Variants in TBCD observed in about 807,000 individuals in gnomAD.
TBCD encodes tubulin folding cofactor D, also known as tubulin-specific chaperone D.
In TBCD, 105 loss-of-function variants were observed where a neutral mutation model predicts 169.3. That is an observed-to-expected ratio of 0.62 (90% confidence interval 0.53 to 0.73). The LOEUF is 0.73. Ranked by LOEUF, TBCD falls within the 30% of genes least tolerant of loss-of-function variation. The probability of loss-of-function intolerance (pLI) is 0.00; values close to 1 mark genes in which losing one functional copy is unlikely to be tolerated. For synonymous variants in TBCD, 700 were observed against 643.9 expected, an observed-to-expected ratio of 1.09 and a Z score of -1.32; for missense variants, 1,444 against 1,600.1, an observed-to-expected ratio of 0.90 and a Z score of 1.66.
chr17:82,925,519 C>T (rs774811426), intron 27 of TBCD, among the ~76,000 whole-genome samples: 49 of 152,076 alleles, frequency 3.2e-4, no homozygotes, highest in Non-Finnish European at 6.9e-4. Flanking sequence ...GTCCCACTGA[C>T]CAACCTGCCG....
intron 2 of TBCD, among the ~76,000 whole-genome samples, chr17:82,757,146 C>T (rs2047443714): frequency 6.6e-6 from 1 of 152,178 alleles, no homozygotes; most frequent in Non-Finnish European, 1.5e-5. Context: ...GTGGGGGCAC[C>T]CTGGCTTCAT....
intron 28 of TBCD, chr17:82,926,971 A>C: frequency 1.5e-6 from 1 of 649,792 alleles, no homozygotes; most frequent in Non-Finnish European, 2.6e-6. Flanking sequence ...GTCCCCATCC[A>C]CCTTTCAACC....
chr17:82,844,188 G>C (rs997659113), intron 13 of TBCD, among the ~76,000 whole-genome samples: 1 of 60,606 alleles, frequency 1.7e-5, no homozygotes, highest in African/African-American at 7.1e-5. Context: ...GAGTGGAGGA[G>C]TGGGGGTGGA....
rs1312371239 is a variant in TBCD at position 82,938,030 on chromosome 17, C to A, written c.3282-19C>A. 5 of 1,612,490 alleles carry A rather than the reference C, an allele frequency of 3.1e-6. No homozygotes were observed. Among genetic ancestry groups the A allele is most frequent in the Middle Eastern group, 3.3e-4 (2 of 6,080 alleles). On this transcript the variant is annotated intron_variant, in intron 35 of 38. Transcript: ENST00000355528. ...GCGCGGGGTGGGGCTCACCTGGAGC[C>A]ATGTGCTGCTCCCGGCAGGTTCTGC...
chr17:82,839,666 T>C (rs1473346494), intron 13 of TBCD, among the ~76,000 whole-genome samples: 1 of 152,208 alleles, frequency 6.6e-6, no homozygotes, highest in East Asian at 1.9e-4. Flanking sequence ...TTAACTTTTA[T>C]GAATTTTAGG....
At chr17:82,817,724 G>A (rs561186738) in intron 13 of TBCD, among the ~76,000 whole-genome samples, 1 of 152,312 alleles carries the variant, frequency 6.6e-6, no homozygotes, top group African/African-American at 2.4e-5. Flanking sequence ...TGGGATTGTA[G>A]GCTGTACCTG....
In TBCD at chr17:82,944,923, TATCTCA is replaced by T. The variant is rs1368609728; in HGVS notation, c.*2465_*2470del. ...TTCAAAGGAACAGCAGCAAGACTCT[TATCTCA>T]ATCTATCTCCCCTGAAGTGGCCTGA... On this transcript the variant is annotated 3_prime_UTR_variant, in exon 39 of 39. Coordinates refer to ENST00000355528, the MANE Select transcript of TBCD (RefSeq NM_005993.5). The T allele has an allele frequency of 6.6e-6, 1 of 152,204 alleles. No homozygotes were observed. Among genetic ancestry groups the T allele is most frequent in the Non-Finnish European group, 1.5e-5 (1 of 68,036 alleles). 9.4% of individuals were successfully genotyped at this position (152,204 alleles called of 1,614,324 possible). A position where few individuals can be genotyped will look rare whatever the true frequency, so the allele number is the denominator to read the frequency against.
chr17:82,908,387 GTT>G (rs887240496), intron 21 of TBCD: 8 of 456,120 alleles, frequency 1.8e-5, no homozygotes, highest in African/African-American at 1.4e-4. Context: ...GAGACAGTGT[GTT>G]CATCTTTCTG....
chr17:82,941,443 G>A lies in TBCD; in HGVS notation c.3524G>A (p.Cys1175Tyr). 6.2e-7 allele frequency: 1 copy of A among 1,603,400 alleles called. No homozygotes were observed. Among genetic ancestry groups the A allele is most frequent in the South Asian group, 1.1e-5 (1 of 89,320 alleles). ...AVVREQRNRL[C>Y]DLLGVPRPQL... ...GTGAGAGAGCAGCGCAACCGTCTGTGTGACCTTCTGGGCGTACCCAGGCCC... is the reference window on the plus strand; with the variant it reads ...GTGAGAGAGCAGCGCAACCGTCTGTATGACCTTCTGGGCGTACCCAGGCCC... The change falls in exon 38 of 39, where the codon TGT becomes TAT. Residue 1175 changes from cysteine to tyrosine, a missense_variant. Cys to Tyr is a radical substitution (Grantham distance 194). Coordinates refer to ENST00000355528, the MANE Select transcript of TBCD (RefSeq NM_005993.5).
At chr17:82,773,942 G>T (rs1419380155) in intron 6 of TBCD, among the ~76,000 whole-genome samples, 2 of 151,630 alleles carry the variant, frequency 1.3e-5, no homozygotes, top group Non-Finnish European at 2.9e-5. Flanking sequence ...TGTTAGCCAG[G>T]ATGGTCTCCA....
At chr17:82,809,634 A>G (rs1218520152) in intron 11 of TBCD, 74 bp from the exon 12 acceptor site, 31 of 1,490,350 alleles carry the variant, frequency 2.1e-5, no homozygotes, top group Non-Finnish European at 2.9e-5. Flanking sequence ...TGTTCAGGCC[A>G]TTCACACGTG....
In TBCD at chr17:82,768,411, AT is replaced by A; in HGVS notation, c.436-3del. Reference sequence around the variant, plus strand: ...CAAGACTCATTCTTCCCGTGGTTTAATTTTTTAGGCTTGGGAAACCCGCTAC... The same window carrying A: ...CAAGACTCATTCTTCCCGTGGTTTAATTTTTAGGCTTGGGAAACCCGCTAC... On this transcript the variant is annotated splice_region_variant and splice_polypyrimidine_tract_variant and intron_variant, in intron 4 of 38. Coordinates refer to ENST00000355528, the MANE Select transcript of TBCD (RefSeq NM_005993.5). The A allele has an allele frequency of 6.2e-7, 1 of 1,613,550 alleles. No individual in the cohort carries two copies. The highest frequency in any genetic ancestry group is 8.5e-7 in the Non-Finnish European group (1 of 1,179,680).
intron 14 of TBCD, among the ~76,000 whole-genome samples, chr17:82,879,808 C>T (rs909176369): frequency 2.6e-5 from 4 of 152,298 alleles, no homozygotes; most frequent in Admixed American, 1.3e-4. Flanking sequence ...GTCTTATAAA[C>T]GGAAATAATC....
chr17:82,889,366 G>T lies in TBCD; in HGVS notation c.1534-302G>T, dbSNP rs529619468. Among the ~76,000 whole-genome samples, 2 of 152,176 alleles carry T rather than the reference G, an allele frequency of 1.3e-5. No individual in the cohort carries two copies. Among genetic ancestry groups the T allele is most frequent in the African/African-American group, 4.8e-5 (2 of 41,454 alleles). On this transcript the variant is annotated intron_variant, in intron 15 of 38. Coordinates refer to ENST00000355528, the MANE Select transcript of TBCD (RefSeq NM_005993.5). This position sits in a 1 kb window ranked among gnomAD's most constrained non-coding sequence, Gnocchi z 5.3. The stretch of plus-strand genomic sequence containing the variant: ...GGGCTTTGATTTAACCTGCCTGTCT[G>T]TCTCTCTGAGTTGACAGCCGGGGCC...
intron 5 of TBCD, among the ~76,000 whole-genome samples, chr17:82,771,205 G>T (rs535968250): frequency 5.3e-5 from 8 of 152,222 alleles, no homozygotes; most frequent in Non-Finnish European, 1.2e-4. Flanking sequence ...GGGCGTGGAG[G>T]TTTCATGCCT....
intron 6 of TBCD, among the ~76,000 whole-genome samples, chr17:82,775,890 A>G (rs1002472660): frequency 6.6e-6 from 1 of 152,036 alleles, no homozygotes; most frequent in Non-Finnish European, 1.5e-5. Context: ...TTAAAGTATA[A>G]TAATAAAAAA....
chr17:82,903,600 C>G lies in TBCD; in HGVS notation c.1804+122C>G. The G allele has an allele frequency of 8.9e-6, 9 of 1,014,000 alleles. No individual in the cohort carries two copies. In the South Asian group the frequency reaches 1.3e-4, roughly 14 times the overall value. 62.8% of individuals were successfully genotyped at this position (1,014,000 alleles called of 1,614,324 possible). A position where few individuals can be genotyped will look rare whatever the true frequency, so the allele number is the denominator to read the frequency against. On this transcript the variant is annotated intron_variant, in intron 19 of 38. Coordinates refer to ENST00000355528, the MANE Select transcript of TBCD (RefSeq NM_005993.5). The surrounding 1 kb of genome is among the most constrained non-coding windows in gnomAD (Gnocchi z 4.8). ...GTGCTTCTGTCTTGGTGAGAAGCAT[C>G]TGAGGAAAGAGCTGTGGACTTGATC...
intron 7 of TBCD, among the ~76,000 whole-genome samples, chr17:82,786,300 CA>C (rs913799160): frequency 2.0e-5 from 3 of 152,178 alleles, no homozygotes; most frequent in African/African-American, 7.2e-5. Flanking sequence ...AAAAACATCT[CA>C]GGTCAGGGGA....
chr17:82,801,870 C>A (rs1319539329), intron 9 of TBCD, among the ~76,000 whole-genome samples: 1 of 136,470 alleles, frequency 7.3e-6, no homozygotes, highest in Admixed American at 7.4e-5. Flanking sequence ...AGGAGGGCGT[C>A]GTGTGCGTCG....
Sources: gnomAD v4.1 joint callset for allele counts (sites outside exome capture counted in the v4.1 genomes callset) on GRCh38, gnomAD v4.1.1 for gene constraint, Gnocchi (gnomAD v3.1) non-coding constraint, MANE v1.5 for transcripts, NCBI Gene and HGNC (gene_info 2026-07-23, HGNC 2026-07-21) for gene names.